The following FAT1 variants were observed in gnomAD, a reference collection of about 807,000 sequenced individuals.
The protein encoded by FAT1 is FAT atypical cadherin 1.
A neutral mutation model predicts 329.8 loss-of-function variants in FAT1; 171 were observed. The ratio of observed to expected loss-of-function variants is 0.52; its 90% CI spans 0.46 to 0.59. The LOEUF is 0.59. Ranked by LOEUF, FAT1 falls within the 20% of genes least tolerant of loss-of-function variation. The probability of loss-of-function intolerance (pLI) is 0.00; values close to 1 mark genes in which losing one functional copy is unlikely to be tolerated. For synonymous variants in FAT1, 2,233 were observed against 2,228.6 expected (o/e 1.00, Z -0.06); for missense variants, 5,672 against 5,774.4 (o/e 0.98, Z 0.57).
At position 186,619,035 on chromosome 4, in the gene FAT1, C is replaced by G. The variant is rs765275544; in HGVS notation, c.7551G>C (p.Thr2517=). ...GACCATAAATACCAGAATCCCCATC[C>G]GTAGTTTTCACCTCCATCACCAGGG... The part of the protein sequence containing the change: ...LHTLVMEVKT[T]DGDSGIYGHV... Residue 2517 remains threonine (T), a synonymous_variant, in exon 10 of 27, where the codon ACG becomes ACC. Coordinates refer to ENST00000441802, the MANE Select transcript of FAT1 (RefSeq NM_005245.4). 1 of 1,613,976 alleles carries G rather than the reference C, an allele frequency of 6.2e-7. No homozygotes were observed. The highest frequency in any genetic ancestry group is 2.2e-5 in the East Asian group (1 of 44,878).
At chr4:186,692,988 T>G (rs1409432759) in intron 2 of FAT1, among the ~76,000 whole-genome samples, 1 of 152,208 alleles carries the variant, frequency 6.6e-6, no homozygotes, top group South Asian at 2.1e-4. Context: ...ATCTTTGTGA[T>G]AGAAAATGAA....
In FAT1 at chr4:186,709,321, T is replaced by G; in HGVS notation, c.507A>C (p.Ala169=). Residue 169 remains alanine (A), a synonymous_variant, in exon 2 of 27, where the codon GCA becomes GCC. Transcript: ENST00000441802. ...TGTCTGCATCCGTGGCGCTGACTCT[T>G]GCGATACTGGTCCTTATAGCTGTGT... The part of the protein sequence containing the change: ...PENTAIRTSI[A]RVSATDADIG... 1.2e-6 allele frequency: 2 copies of G among 1,613,994 alleles called. No homozygotes were observed. Among genetic ancestry groups the G allele is most frequent in the Non-Finnish European group, 1.7e-6 (2 of 1,179,888 alleles).
chr4:186,674,788 C>T (rs1560984530), intron 2 of FAT1, among the ~76,000 whole-genome samples: 2 of 152,220 alleles, frequency 1.3e-5, no homozygotes, highest in African/African-American at 4.8e-5. Flanking sequence ...AATCCCAACA[C>T]TTTGGAAGGC....
At chr4:186,675,880 T>C (rs961491228) in intron 2 of FAT1, among the ~76,000 whole-genome samples, 1 of 152,160 alleles carries the variant, frequency 6.6e-6, no homozygotes, top group African/African-American at 2.4e-5. Context: ...ATGTTGTTTG[T>C]ACTGGCTTGG....
intron 1 of FAT1, among the ~76,000 whole-genome samples, chr4:186,718,043 T>C (rs1477691470): frequency 1.3e-5 from 2 of 152,200 alleles, no homozygotes; most frequent in East Asian, 3.9e-4. Flanking sequence ...CACTCCCAAG[T>C]TGGTAAGTAA....
chr4:186,716,480 AGCAGTG>A (rs1464373470), intron 1 of FAT1, among the ~76,000 whole-genome samples: 2 of 149,662 alleles, frequency 1.3e-5, no homozygotes, highest in African/African-American at 4.9e-5. Context: ...CAGGCTGGAG[AGCAGTG>A]GCACCATCAT....
intron 1 of FAT1, among the ~76,000 whole-genome samples, chr4:186,720,285 T>C (rs1331318602): frequency 6.6e-6 from 1 of 152,080 alleles, no homozygotes; most frequent in African/African-American, 2.4e-5. Flanking sequence ...GTTTCTTTCT[T>C]TTTCTCTCTC....
At chr4:186,698,569 G>C (rs1178542568) in intron 2 of FAT1, among the ~76,000 whole-genome samples, 2 of 152,232 alleles carry the variant, frequency 1.3e-5, no homozygotes, top group African/African-American at 4.8e-5. Flanking sequence ...TTATTAAGTA[G>C]AGTTATGAGA....
chr4:186,700,475 C>G (rs1439715261), intron 2 of FAT1, among the ~76,000 whole-genome samples: 1 of 152,128 alleles, frequency 6.6e-6, no homozygotes, highest in African/African-American at 2.4e-5. Flanking sequence ...CCTAATTGTG[C>G]TAGATAGCAA....
intron 3 of FAT1, among the ~76,000 whole-genome samples, chr4:186,646,629 C>A (rs1156814949): frequency 6.6e-6 from 1 of 151,996 alleles, no homozygotes; most frequent in East Asian, 1.9e-4. Context: ...ACTTTAACAT[C>A]TGCAATATTC....
intron 1 of FAT1, among the ~76,000 whole-genome samples, chr4:186,717,262 T>G (rs1300188470): frequency 6.6e-6 from 1 of 152,252 alleles, no homozygotes; most frequent in Non-Finnish European, 1.5e-5. Flanking sequence ...CTGTTTATTT[T>G]CTGGGTGTAC....
In FAT1 at chr4:186,663,280, T is replaced by C. The variant is rs187954172; in HGVS notation, c.3580+19A>G. The C allele has an allele frequency of 1.1e-5, 17 of 1,565,418 alleles. No individual in the cohort carries two copies. The highest frequency in any genetic ancestry group is 1.8e-5 in the Admixed American group (1 of 56,424). On this transcript the variant is annotated intron_variant, in intron 3 of 26. Coordinates refer to ENST00000441802, the MANE Select transcript of FAT1 (RefSeq NM_005245.4). ...AAAGCATAAGCATAAACATTTCCTA[T>C]AGCAGTATTAACACATACCTGTTTT... is the stretch of plus-strand genomic sequence containing the variant.
chr4:186,682,795 A>G (rs367778253), intron 2 of FAT1, among the ~76,000 whole-genome samples: 55 of 152,326 alleles, frequency 3.6e-4, no homozygotes, highest in East Asian at 2.1e-3. Context: ...TCTCCATGTC[A>G]TCAGTGACTA....
intron 3 of FAT1, among the ~76,000 whole-genome samples, chr4:186,659,615 C>T (rs956651999): frequency 2.0e-5 from 3 of 147,858 alleles, no homozygotes; most frequent in African/African-American, 7.5e-5. Context: ...CACAAGCCCG[C>T]TGTGGCACTT....
At chr4:186,714,161 G>A (rs1745099375) in intron 1 of FAT1, among the ~76,000 whole-genome samples, 2 of 152,200 alleles carry the variant, frequency 1.3e-5, no homozygotes, top group African/African-American at 4.8e-5. Context: ...AAGCTGGAGG[G>A]CGACCAGAGC....
chr4:186,704,943 CTTTTTTT>C (rs575252840), intron 2 of FAT1, among the ~76,000 whole-genome samples: 3 of 120,654 alleles, frequency 2.5e-5, no homozygotes, highest in Non-Finnish European at 5.0e-5. Context: ...TCCAAAATAA[CTTTTTTT>C]TTTTTTTTTT....
In FAT1 at chr4:186,596,317, TAACTA is replaced by T. The variant is rs1738509222; in HGVS notation, c.13000+218_13000+222del. Among the ~76,000 whole-genome samples the T allele has an allele frequency of 6.6e-6, 1 of 152,178 alleles. No individual in the cohort carries two copies. The highest frequency in any genetic ancestry group is 2.4e-5 in the African/African-American group (1 of 41,440). Reference sequence around the variant, plus strand: ...AAATGAAATGATCTCTCCAGAATATTAACTAAACATGACTAGATTCAATTTCTTAA... The same window carrying T: ...AAATGAAATGATCTCTCCAGAATATTAACATGACTAGATTCAATTTCTTAA... On this transcript the variant is annotated intron_variant, in intron 25 of 26. Transcript: ENST00000441802. The surrounding 1 kb of genome is among the most constrained non-coding windows in gnomAD (Gnocchi z 4.7).
intron 2 of FAT1, among the ~76,000 whole-genome samples, chr4:186,677,816 C>A (rs1743025666): frequency 6.6e-6 from 1 of 152,154 alleles, no homozygotes; most frequent in African/African-American, 2.4e-5. Flanking sequence ...GCTAATTCAT[C>A]ACTTTAGAGA....
intron 4 of FAT1, among the ~76,000 whole-genome samples, chr4:186,637,727 T>C (rs1740897935): frequency 6.6e-6 from 1 of 152,150 alleles, no homozygotes; most frequent in African/African-American, 2.4e-5. Flanking sequence ...ACATTAGTAA[T>C]GCTTATTCTC....
Sources: allele counts gnomAD v4.1 joint callset (sites outside exome capture counted in the v4.1 genomes callset), GRCh38; gene constraint gnomAD v4.1.1; non-coding constraint Gnocchi (gnomAD v3.1); transcripts MANE v1.5; gene names NCBI Gene and HGNC (gene_info 2026-07-23, HGNC 2026-07-21).